DLG2: variants seen among roughly 807,000 people sequenced by gnomAD.
DLG2 encodes disks large homolog 2.
A neutral mutation model predicts 132.5 loss-of-function variants in DLG2; 45 were observed. That is an observed-to-expected ratio of 0.34 (90% CI 0.27 to 0.44). DLG2 has a LOEUF of 0.44. DLG2 is among the 20% of genes least tolerant of loss of function. The pLI is 1.00. For synonymous variants in DLG2, 424 were observed against 419.6 expected, an observed-to-expected ratio of 1.01 and a Z score of -0.13; for missense variants, 1,045 against 1,196.9, an observed-to-expected ratio of 0.87 and a Z score of 1.87.
chr11:84,586,158 A>AG (rs1390888875), intron 6 of DLG2, among the ~76,000 whole-genome samples: 4 of 131,032 alleles, frequency 3.1e-5, no homozygotes, highest in Non-Finnish European at 4.7e-5. Flanking sequence ...CTCAAAAAAA[A>AG]AAAAAAAGGG....
intron 21 of DLG2, among the ~76,000 whole-genome samples, chr11:83,516,667 T>C (rs976295798): frequency 6.6e-6 from 1 of 152,226 alleles, no homozygotes; most frequent in African/African-American, 2.4e-5. Flanking sequence ...TGGTACCGGT[T>C]GTTCATTTCC....
intron 3 of DLG2, among the ~76,000 whole-genome samples, chr11:85,426,138 G>C (rs960108190): frequency 2.0e-5 from 3 of 152,216 alleles, no homozygotes; most frequent in African/African-American, 7.2e-5. Context: ...AAAGCAGCAG[G>C]GAAGCTCGAA....
intron 6 of DLG2, among the ~76,000 whole-genome samples, chr11:84,738,230 CT>C (rs544978842): frequency 9.4e-5 from 14 of 149,618 alleles, no homozygotes; most frequent in Admixed American, 8.7e-4. Flanking sequence ...TTTTCTTTTT[CT>C]TTTTTTTTGC....
chr11:85,331,110 T>C (rs2081703624), intron 3 of DLG2, among the ~76,000 whole-genome samples: 1 of 152,210 alleles, frequency 6.6e-6, no homozygotes, highest in Non-Finnish European at 1.5e-5. Context: ...ATGTTGACAT[T>C]CACTTTATTT....
chr11:84,072,040 G>A (rs551910805), intron 10 of DLG2, among the ~76,000 whole-genome samples: 2 of 152,352 alleles, frequency 1.3e-5, no homozygotes, highest in Admixed American at 6.5e-5. Context: ...TTGGCACTGA[G>A]CTGTCTCTGC....
chr11:84,925,615 A>G (rs1194935587), intron 6 of DLG2, among the ~76,000 whole-genome samples: 1 of 152,182 alleles, frequency 6.6e-6, no homozygotes, highest in Non-Finnish European at 1.5e-5. Context: ...TCAGAACAGT[A>G]TATCTGCAAG....
At chr11:85,546,818 C>CTTTTTTTTT (rs34822004) in intron 3 of DLG2, among the ~76,000 whole-genome samples, 1 of 68,972 alleles carries the variant, frequency 1.4e-5, no homozygotes, top group African/African-American at 6.1e-5. Context: ...ATAACCCCTG[C>CTTTTTTTTT]TTTTTTTTTT....
intron 7 of DLG2, among the ~76,000 whole-genome samples, chr11:84,293,983 C>T (rs2098049290): frequency 6.6e-6 from 1 of 152,168 alleles, no homozygotes. Context: ...CCACGCATTG[C>T]CACCACCAGA....
intron 6 of DLG2, among the ~76,000 whole-genome samples, chr11:85,096,843 G>A (rs778008841): frequency 2.0e-4 from 30 of 152,094 alleles, no homozygotes; most frequent in Non-Finnish European, 4.0e-4. Flanking sequence ...CGTGGCCACT[G>A]GACTAAAGAC....
intron 7 of DLG2, among the ~76,000 whole-genome samples, chr11:84,461,599 A>G (rs2099080237): frequency 1.3e-5 from 2 of 151,118 alleles, no homozygotes; most frequent in Non-Finnish European, 3.0e-5. Context: ...ATATAAAATA[A>G]TTGGATCAAT....
At chr11:85,345,547 C>A (rs1025363701) in intron 3 of DLG2, among the ~76,000 whole-genome samples, 2 of 152,062 alleles carry the variant, frequency 1.3e-5, no homozygotes, top group Admixed American at 1.3e-4. Flanking sequence ...ACACACCTGG[C>A]AGAAATGGAA....
At chr11:84,646,252 T>TA (rs2099674795) in intron 6 of DLG2, among the ~76,000 whole-genome samples, 2 of 152,206 alleles carry the variant, frequency 1.3e-5, no homozygotes, top group African/African-American at 4.8e-5. Context: ...ACAGGTTATT[T>TA]AAATTCAAAT....
rs989438190 is a variant in DLG2 at position 84,971,154 on chromosome 11, C to T, written c.357+140507G>A. The stretch of plus-strand genomic sequence containing the variant: ...ACGGCAGTATTTTAAATAAATTTAC[C>T]GTTCATTCCCAATGTTTGCCACTTT... On this transcript the variant is annotated intron_variant, in intron 6 of 27. Transcript: ENST00000376104. Among the ~76,000 whole-genome samples the T allele has an allele frequency of 1.3e-5, 2 of 152,060 alleles. 1 individual carries two copies. Among genetic ancestry groups the T allele is most frequent in the South Asian group, 4.1e-4 (2 of 4,828 alleles).
chr11:84,471,969 A>G (rs926595772), intron 7 of DLG2, among the ~76,000 whole-genome samples: 8 of 151,802 alleles, frequency 5.3e-5, no homozygotes, highest in African/African-American at 1.9e-4. Flanking sequence ...TAAGGAAAAA[A>G]AAAGAAAGAT....
At chr11:84,035,623 G>A (rs1203916910) in intron 11 of DLG2, among the ~76,000 whole-genome samples, 1 of 152,216 alleles carries the variant, frequency 6.6e-6, no homozygotes, top group African/African-American at 2.4e-5. Flanking sequence ...ACTATGGTAA[G>A]GCTGTGGAGT....
At chr11:83,466,870 T>G (rs752041934) in intron 25 of DLG2, 53 bp from the exon 26 acceptor site, 2 of 1,256,676 alleles carry the variant, frequency 1.6e-6, no homozygotes, top group Non-Finnish European at 2.3e-6. Context: ...ATGGCCATAA[T>G]CCAACAAAAG....
chr11:85,220,218 G>A (rs1055140517), intron 4 of DLG2, among the ~76,000 whole-genome samples: 1 of 152,046 alleles, frequency 6.6e-6, no homozygotes, highest in African/African-American at 2.4e-5. Flanking sequence ...ATACTAAGCA[G>A]GAAATGGAGA....
In DLG2 at chr11:84,461,644, T is replaced by G. The variant is rs561159859; in HGVS notation, c.519+72926A>C. Among the ~76,000 whole-genome samples, 10 of 151,142 alleles carry G rather than the reference T, an allele frequency of 6.6e-5. No homozygotes were observed. The East Asian group carries it at 1.9e-3, about 29-fold the overall frequency. ...ACTTCATTGAAGACTTGATAAATGT[T>G]CAAGATAGGCTTTGGGTGAGAATTT... is the stretch of plus-strand genomic sequence containing the variant. On this transcript the variant is annotated intron_variant, in intron 7 of 27. Transcript: ENST00000376104.
chr11:85,380,477 T>G (rs530541380), intron 3 of DLG2, among the ~76,000 whole-genome samples: 4 of 152,144 alleles, frequency 2.6e-5, no homozygotes, highest in Non-Finnish European at 5.9e-5. Flanking sequence ...CTGACCGACA[T>G]GGAGAAACCC....
Sources: allele counts gnomAD v4.1 joint callset (sites outside exome capture counted in the v4.1 genomes callset), GRCh38; gene constraint gnomAD v4.1.1; transcripts MANE v1.5; gene names NCBI Gene and HGNC (gene_info 2026-07-23, HGNC 2026-07-21).